Variants in CPNE4 observed in about 807,000 individuals in gnomAD.
The protein encoded by CPNE4 is copine 4.
Under a neutral mutation model 67.9 loss-of-function variants are expected in CPNE4, and 25 were observed. The ratio of observed to expected loss-of-function variants is 0.37; its 90% confidence interval spans 0.27 to 0.51. CPNE4 has a LOEUF of 0.51. CPNE4 is among the 20% of genes least tolerant of loss of function. CPNE4 has a pLI of 0.93. For missense variants in CPNE4, 464 were observed against 690.8 expected (o/e 0.67, Z 3.68); for synonymous variants, 242 against 244.9 (o/e 0.99, Z 0.11).
chr3:131,574,839 G>A (rs896854465), intron 10 of CPNE4, among the ~76,000 whole-genome samples: 3 of 152,074 alleles, frequency 2.0e-5, no homozygotes, highest in East Asian at 1.9e-4. Flanking sequence ...GACCACCTGA[G>A]GTTGAGTGGC....
At chr3:132,024,228 C>T (rs1464189307) in intron 1 of CPNE4, among the ~76,000 whole-genome samples, 3 of 151,912 alleles carry the variant, frequency 2.0e-5, no homozygotes, top group African/African-American at 7.3e-5. Context: ...GAATTACAGG[C>T]ACACACCACC....
intron 9 of CPNE4, 79 bp from the exon 10 acceptor site, chr3:131,575,209 G>T: frequency 8.1e-7 from 1 of 1,232,044 alleles, no homozygotes; most frequent in South Asian, 1.2e-5. Context: ...AAAGGTTGGT[G>T]ACTGATAAGC....
intron 1 of CPNE4, among the ~76,000 whole-genome samples, chr3:132,005,551 C>T (rs11720001): frequency 0.78 from 118,173 of 151,302 alleles, 47,131 homozygotes; most frequent in South Asian, 0.89. Flanking sequence ...TCAGGACCAG[C>T]TGACATTCAT....
At chr3:131,607,635 CA>C (rs1333136370) in intron 7 of CPNE4, among the ~76,000 whole-genome samples, 1 of 152,128 alleles carries the variant, frequency 6.6e-6, no homozygotes, top group Non-Finnish European at 1.5e-5. Flanking sequence ...AAAAAGCACA[CA>C]TCGAAATGTA....
At chr3:131,862,255 C>T (rs2086721641) in intron 2 of CPNE4, among the ~76,000 whole-genome samples, 1 of 152,082 alleles carries the variant, frequency 6.6e-6, no homozygotes, top group Non-Finnish European at 1.5e-5. Flanking sequence ...CTTGAGAGTA[C>T]CACGACAATA....
intron 2 of CPNE4, among the ~76,000 whole-genome samples, chr3:131,768,875 T>C (rs563437050): frequency 6.6e-6 from 1 of 152,260 alleles, no homozygotes; most frequent in African/African-American, 2.4e-5. Flanking sequence ...GTGATTTGCT[T>C]ACTGAAGGAA....
intron 2 of CPNE4, among the ~76,000 whole-genome samples, chr3:131,774,165 A>G (rs1344488236): frequency 1.3e-5 from 2 of 152,154 alleles, no homozygotes; most frequent in African/African-American, 4.8e-5. Context: ...CAGGGTCCTC[A>G]TAGAAGCTGG....
At chr3:131,638,507 T>C (rs2079452384) in intron 7 of CPNE4, among the ~76,000 whole-genome samples, 2 of 152,042 alleles carry the variant, frequency 1.3e-5, no homozygotes, top group African/African-American at 2.4e-5. Flanking sequence ...ACACTGGAGC[T>C]CCCAAAGTTA....
At chr3:131,616,218 G>C (rs1352284445) in intron 7 of CPNE4, among the ~76,000 whole-genome samples, 1 of 152,048 alleles carries the variant, frequency 6.6e-6, no homozygotes, top group Non-Finnish European at 1.5e-5. Context: ...GCAGTTAGCT[G>C]TGGGAGTAGG....
At chr3:131,933,331 A>T (rs2071126572) in intron 1 of CPNE4, among the ~76,000 whole-genome samples, 1 of 152,154 alleles carries the variant, frequency 6.6e-6, no homozygotes, top group Admixed American at 6.5e-5. Context: ...AAGAAAAGGG[A>T]ATATATTTGA....
At chr3:131,792,925 G>GTGTGTGTGTGTGTATATA (rs58502463) in intron 2 of CPNE4, among the ~76,000 whole-genome samples, 20 of 135,142 alleles carry the variant, frequency 1.5e-4, no homozygotes, top group African/African-American at 5.4e-4. Flanking sequence ...GTGTGTGTGT[G>GTGTGTGTGTGTGTATATA]TATCTCCAAC....
chr3:131,852,273 T>C (rs1244156138), intron 2 of CPNE4, among the ~76,000 whole-genome samples: 2 of 151,896 alleles, frequency 1.3e-5, no homozygotes, highest in African/African-American at 4.8e-5. Context: ...TATTAGCACA[T>C]GTAAGCAATG....
intron 1 of CPNE4, among the ~76,000 whole-genome samples, chr3:131,964,895 G>A (rs2107930738): frequency 6.6e-6 from 1 of 152,212 alleles, no homozygotes; most frequent in South Asian, 2.1e-4. Context: ...TACTCCTTGA[G>A]AAGAGCAACC....
At chr3:131,615,180 T>C (rs531054790) in intron 7 of CPNE4, among the ~76,000 whole-genome samples, 1 of 152,294 alleles carries the variant, frequency 6.6e-6, no homozygotes, top group Non-Finnish European at 1.5e-5. Context: ...TAGATAAATA[T>C]ACAGTTTCCT....
At chr3:131,681,697 C>A (rs2080760525) in intron 6 of CPNE4, among the ~76,000 whole-genome samples, 1 of 152,008 alleles carries the variant, frequency 6.6e-6, no homozygotes, top group Non-Finnish European at 1.5e-5. Context: ...CTCTTATTAT[C>A]CCTTTGAATA....
At chr3:131,866,083 G>C (rs2086938306) in intron 2 of CPNE4, among the ~76,000 whole-genome samples, 1 of 152,240 alleles carries the variant, frequency 6.6e-6, no homozygotes. Context: ...ACTAACAGCT[G>C]AAGATTGTCT....
intron 8 of CPNE4, among the ~76,000 whole-genome samples, chr3:131,582,329 G>A (rs1452676097): frequency 2.0e-5 from 3 of 152,152 alleles, no homozygotes; most frequent in African/African-American, 7.2e-5. Flanking sequence ...TGGGAATTAA[G>A]GAGTCAGCTG....
intron 2 of CPNE4, among the ~76,000 whole-genome samples, chr3:131,860,915 C>T (rs58022420): frequency 0.076 from 11,642 of 152,214 alleles, 580 homozygotes; most frequent in East Asian, 0.17. Flanking sequence ...CTCTGTCCGA[C>T]TTCTGGACAT....
At chr3:131,811,357 T>C (rs2084520040) in intron 2 of CPNE4, among the ~76,000 whole-genome samples, 1 of 152,060 alleles carries the variant, frequency 6.6e-6, no homozygotes, top group African/African-American at 2.4e-5. Context: ...TATATGTAAA[T>C]TGTATCTCAG....
Sources: gnomAD v4.1 joint callset for allele counts (sites outside exome capture counted in the v4.1 genomes callset) on GRCh38, gnomAD v4.1.1 for gene constraint, MANE v1.5 for transcripts, NCBI Gene and HGNC (gene_info 2026-07-23, HGNC 2026-07-21) for gene names.